The following FRMPD4 variants were observed in gnomAD, a reference collection of about 807,000 sequenced individuals.
FRMPD4 encodes FERM and PDZ domain-containing protein 4.
FRMPD4 carries 22 observed loss-of-function variants against 94.1 expected under a neutral mutation model. That is an observed-to-expected ratio of 0.23 (90% confidence interval 0.17 to 0.33). The LOEUF (loss-of-function observed/expected upper bound fraction) is 0.33. Ranked by LOEUF, FRMPD4 falls within the 10% of genes least tolerant of loss-of-function variation. The pLI is 1.00. For missense variants in FRMPD4, 1,111 were observed against 1,339.9 expected (o/e 0.83, Z 2.67); for synonymous variants, 631 against 548.6 (o/e 1.15, Z -2.10).
intron 3 of FRMPD4, among the ~76,000 whole-genome samples, chrX:12,119,010 T>C (rs2055433174): frequency 9.0e-6 from 1 of 111,059 alleles, no homozygotes; most frequent in South Asian, 3.9e-4. Context: ...ACTGACTGCA[T>C]TTTCTGTGAC....
At chrX:12,690,472 T>C in intron 8 of FRMPD4, 146 bp downstream of exon 8, 1 of 468,988 alleles carries the variant, frequency 2.1e-6, no homozygotes, top group Non-Finnish European at 3.5e-6. Flanking sequence ...GCATTCTTAA[T>C]GCATTTTACA....
Position 11,846,703 on chromosome X carries a change from A to T in FRMPD4, c.-160-18383A>T, listed in dbSNP as rs754720293. Among the ~76,000 whole-genome samples the T allele has an allele frequency of 1.9e-3, 207 of 108,355 alleles. 1 individual carries two copies. The highest frequency in any genetic ancestry group is 5.9e-3 in the African/African-American group (175 of 29,663). The allele number at this position is 108,355 out of a possible 115,157, so 94.1% of individuals were successfully genotyped here. ...CAGAGATATAGATCAATGGAACAGA[A>T]CACAGCCCTCAGAAATAACGCCACA... On this transcript the variant is annotated intron_variant, in intron 1 of 18. Coordinates refer to the FRMPD4 transcript ENST00000640291.
At chrX:12,154,630 T>A (rs2055906757) in intron 1 of FRMPD4, among the ~76,000 whole-genome samples, 1 of 112,952 alleles carries the variant, frequency 8.9e-6, no homozygotes. Context: ...GTAGGACATG[T>A]ATACCCTAAA....
At chrX:12,516,899 CTTTTTTTT>C (rs35098575) in intron 2 of FRMPD4, among the ~76,000 whole-genome samples, 1 of 68,434 alleles carries the variant, frequency 1.5e-5, no homozygotes, top group Non-Finnish European at 2.8e-5. Context: ...CCTTTTCGTT[CTTTTTTTT>C]TTTTTTTTTT....
At chrX:12,131,500 G>C (rs1244958748) in intron 3 of FRMPD4, among the ~76,000 whole-genome samples, 1 of 112,022 alleles carries the variant, frequency 8.9e-6, no homozygotes, top group Non-Finnish European at 1.9e-5. Context: ...AAAGTTGAAT[G>C]ATTTCTTAAG....
intron 1 of FRMPD4, among the ~76,000 whole-genome samples, chrX:11,845,119 A>G (rs1418054398): frequency 8.9e-6 from 1 of 112,298 alleles, no homozygotes; most frequent in East Asian, 2.8e-4. Context: ...TTGTTTCAGT[A>G]TGGTTTGAAC....
intron 3 of FRMPD4, among the ~76,000 whole-genome samples, chrX:12,121,872 C>A (rs746100993): frequency 9.0e-6 from 1 of 111,348 alleles, no homozygotes; most frequent in South Asian, 3.8e-4. Context: ...CCTGGTCCCG[C>A]ATCATTAGCA....
At chrX:12,296,545 G>A (rs748451339) in intron 1 of FRMPD4, among the ~76,000 whole-genome samples, 1 of 111,850 alleles carries the variant, frequency 8.9e-6, no homozygotes, top group Admixed American at 9.4e-5. Context: ...GTGGGGGTTG[G>A]GTAGATCAGC....
intron 2 of FRMPD4, among the ~76,000 whole-genome samples, chrX:11,871,412 A>C (rs1168455958): frequency 2.7e-5 from 3 of 112,407 alleles, no homozygotes; most frequent in Non-Finnish European, 5.6e-5. Context: ...CAGGTCTTTG[A>C]GGAATACATT....
At chrX:12,669,062 T>C (rs1190190683) in intron 4 of FRMPD4, among the ~76,000 whole-genome samples, 1 of 112,021 alleles carries the variant, frequency 8.9e-6, no homozygotes, top group Non-Finnish European at 1.9e-5. Context: ...TGTGACTTGC[T>C]TTCTAACCAA....
intron 3 of FRMPD4, among the ~76,000 whole-genome samples, chrX:11,986,652 A>G (rs956932093): frequency 5.4e-5 from 6 of 111,698 alleles, no homozygotes; most frequent in Non-Finnish European, 1.1e-4. Flanking sequence ...GCTTAAAAAG[A>G]TAAGTACAAT....
chrX:12,692,415 A>C (rs2060088247), intron 8 of FRMPD4, among the ~76,000 whole-genome samples: 1 of 112,476 alleles, frequency 8.9e-6, no homozygotes, highest in South Asian at 3.7e-4. Flanking sequence ...TGTAGGCATG[A>C]TAAAAGTGGA....
chrX:11,849,548 T>C (rs1041754238), intron 1 of FRMPD4, among the ~76,000 whole-genome samples: 2 of 111,538 alleles, frequency 1.8e-5, no homozygotes, highest in African/African-American at 3.3e-5. Context: ...CAAAACAGTG[T>C]GGTACTGTCA....
At chrX:12,312,852 A>T (rs1267274323) in intron 1 of FRMPD4, among the ~76,000 whole-genome samples, 1 of 111,089 alleles carries the variant, frequency 9.0e-6, no homozygotes, top group African/African-American at 3.3e-5. Context: ...TGCCCTCACT[A>T]CAGAGTAGAA....
intron 1 of FRMPD4, among the ~76,000 whole-genome samples, chrX:12,286,480 A>G (rs371860557): frequency 1.8e-5 from 2 of 112,198 alleles, no homozygotes; most frequent in African/African-American, 6.5e-5. Flanking sequence ...TTTGAATTCT[A>G]TGATTTCTGT....
intron 3 of FRMPD4, among the ~76,000 whole-genome samples, chrX:11,882,604 T>G (rs2053820247): frequency 8.9e-6 from 1 of 111,778 alleles, no homozygotes; most frequent in East Asian, 2.8e-4. Context: ...ATTAAAAATA[T>G]TGTGTAAAAT....
chrX:12,442,975 A>G (rs2057155579), intron 1 of FRMPD4, among the ~76,000 whole-genome samples: 1 of 112,055 alleles, frequency 8.9e-6, no homozygotes, highest in Admixed American at 9.4e-5. Flanking sequence ...AAATAAGCCC[A>G]TTGCAAAAGA....
At chrX:12,256,830 T>A (rs57749746) in intron 1 of FRMPD4, among the ~76,000 whole-genome samples, 2,730 of 112,040 alleles carry the variant, frequency 0.024, 83 homozygotes, top group African/African-American at 0.083. Flanking sequence ...TACACACTTG[T>A]AACTCATTCA....
At chrX:11,861,708 G>T (rs1431421669) in intron 1 of FRMPD4, among the ~76,000 whole-genome samples, 5 of 111,970 alleles carry the variant, frequency 4.5e-5, no homozygotes, top group Non-Finnish European at 7.5e-5. Flanking sequence ...AGTAGGTAAA[G>T]TCCCATAGAG....
Sources: allele counts gnomAD v4.1 joint callset (sites outside exome capture counted in the v4.1 genomes callset), GRCh38; gene constraint gnomAD v4.1.1; transcripts MANE v1.5; gene names NCBI Gene and HGNC (gene_info 2026-07-23, HGNC 2026-07-21).